HS3ST3A1: variants seen among roughly 807,000 people sequenced by gnomAD.
The protein encoded by HS3ST3A1 is heparan sulfate glucosamine 3-O-sulfotransferase 3A1.
Under a neutral mutation model 25.7 loss-of-function variants are expected in HS3ST3A1, and 19 were observed. The ratio of observed to expected loss-of-function variants is 0.74; its 90% CI spans 0.52 to 1.08. HS3ST3A1 has a LOEUF of 1.08. HS3ST3A1 is among the 50% of genes least tolerant of loss of function. The probability of loss-of-function intolerance (pLI) is 0.00; values close to 1 mark genes in which losing one functional copy is unlikely to be tolerated. For synonymous variants in HS3ST3A1, 226 were observed against 278.6 expected (o/e 0.81, Z 1.88); for missense variants, 459 against 594.3 (o/e 0.77, Z 2.37).
intron 1 of HS3ST3A1, among the ~76,000 whole-genome samples, chr17:13,536,268 T>C (rs537783449): frequency 6.6e-6 from 1 of 151,750 alleles, no homozygotes; most frequent in African/African-American, 2.4e-5. Context: ...TAAATGAGCT[T>C]ATGCTATTTT....
At position 13,600,708 on chromosome 17, in the gene HS3ST3A1, A is replaced by G. The variant is rs755227727; in HGVS notation, c.422T>C (p.Leu141Pro). The G allele has an allele frequency of 3.3e-5, 52 of 1,563,974 alleles. No individual in the cohort carries two copies. The Admixed American group carries it at 9.0e-4, about 27-fold the overall frequency. ...STVAEAPPGTLALLLDEGSKQ... is the reference protein window; with the variant it reads ...STVAEAPPGTPALLLDEGSKQ... ...GCTGCCTTCGTCCAGGAGCAGCGCC[A>G]GGGTCCCCGGCGGGGCCTCGGCCAC... The change falls in exon 1 of 2, where the codon CTG becomes CCG. Residue 141 changes from leucine (L) to proline (P), a missense_variant. Leu to Pro is a moderately conservative substitution (Grantham distance 98). Around this residue, in one of 3 missense-constraint regions of HS3ST3A1, gnomAD observed 346 missense variants for 303.9 expected, o/e 1.14. Transcript: ENST00000284110.
In HS3ST3A1 at chr17:13,575,788, T is replaced by A. The variant is rs144671604; in HGVS notation, c.599+24743A>T. On this transcript the variant is annotated intron_variant, in intron 1 of 1. Coordinates refer to ENST00000284110, the MANE Select transcript of HS3ST3A1 (RefSeq NM_006042.3). ...TTGTAAGTATTAACTGTCGTTCCCA[T>A]CAATGCTGGGAAGCAGAGGCTCCAG... 4.1e-3 allele frequency among the ~76,000 whole-genome samples: 623 copies of A among 152,290 alleles called. 6 individuals carry two copies. Among genetic ancestry groups the A allele is most frequent in the African/African-American group, 0.014 (596 of 41,550 alleles).
chr17:13,593,934 C>T (rs866435891), intron 1 of HS3ST3A1, among the ~76,000 whole-genome samples: 3 of 152,140 alleles, frequency 2.0e-5, no homozygotes. Context: ...ACCCAGGATC[C>T]GACCAAGGGC....
chr17:13,542,476 C>T (rs1906963564), intron 1 of HS3ST3A1, among the ~76,000 whole-genome samples: 1 of 151,974 alleles, frequency 6.6e-6, no homozygotes, highest in Non-Finnish European at 1.5e-5. Flanking sequence ...GAGAAGGTGG[C>T]CATGTGCAAG....
At chr17:13,568,681 G>A (rs2056672847) in intron 1 of HS3ST3A1, among the ~76,000 whole-genome samples, 1 of 152,164 alleles carries the variant, frequency 6.6e-6, no homozygotes, top group African/African-American at 2.4e-5. Flanking sequence ...CACACGGTAG[G>A]TTTCTTTCTT....
At chr17:13,508,808 C>T (rs1169760589) in intron 1 of HS3ST3A1, among the ~76,000 whole-genome samples, 6 of 152,156 alleles carry the variant, frequency 3.9e-5, no homozygotes, top group African/African-American at 1.2e-4. Flanking sequence ...CTAATTATGT[C>T]AGAATCTGTA....
chr17:13,547,591 T>C (rs941270994), intron 1 of HS3ST3A1, among the ~76,000 whole-genome samples: 1 of 152,184 alleles, frequency 6.6e-6, no homozygotes, highest in Non-Finnish European at 1.5e-5. Context: ...TCCATGCCCT[T>C]CCTCCACACC....
chr17:13,577,004 A>C (rs1311426816), intron 1 of HS3ST3A1, among the ~76,000 whole-genome samples: 1 of 152,240 alleles, frequency 6.6e-6, no homozygotes, highest in East Asian at 1.9e-4. Flanking sequence ...GGGAGGCCTC[A>C]CAATCATTGC....
intron 1 of HS3ST3A1, among the ~76,000 whole-genome samples, chr17:13,569,659 C>T (rs144171116): frequency 2.0e-5 from 3 of 152,084 alleles, no homozygotes; most frequent in East Asian, 1.9e-4. Flanking sequence ...ATTTTTCAGG[C>T]GTTCATTTTT....
chr17:13,574,896 T>G (rs1179104002), intron 1 of HS3ST3A1, among the ~76,000 whole-genome samples: 1 of 152,102 alleles, frequency 6.6e-6, no homozygotes, highest in Non-Finnish European at 1.5e-5. Flanking sequence ...TGCTTTTTCT[T>G]TCCCATCTCA....
At chr17:13,573,664 A>T (rs1907874602) in intron 1 of HS3ST3A1, among the ~76,000 whole-genome samples, 2 of 152,136 alleles carry the variant, frequency 1.3e-5, no homozygotes, top group South Asian at 4.1e-4. Flanking sequence ...TCAACATGTG[A>T]CTGAGCTCAA....
Position 13,594,372 on chromosome 17 carries a change from G to A in HS3ST3A1, c.599+6159C>T, listed in dbSNP as rs552004152. On this transcript the variant is annotated intron_variant, in intron 1 of 1. Coordinates refer to ENST00000284110, the MANE Select transcript of HS3ST3A1 (RefSeq NM_006042.3). Reference sequence around the variant, plus strand: ...CAGGCGCAGAAACGCCTGTCCTGTCGGAACTCTCAAAGCGCTTTCCTGTGA... The same window carrying A: ...CAGGCGCAGAAACGCCTGTCCTGTCAGAACTCTCAAAGCGCTTTCCTGTGA... Among the ~76,000 whole-genome samples, 6 of 152,168 alleles carry A rather than the reference G, an allele frequency of 3.9e-5. No homozygotes were observed. The East Asian group carries it at 7.7e-4, about 20-fold the overall frequency.
At chr17:13,585,819 A>T (rs1210053696) in intron 1 of HS3ST3A1, among the ~76,000 whole-genome samples, 2 of 72,476 alleles carry the variant, frequency 2.8e-5, no homozygotes, top group Admixed American at 2.0e-4. Flanking sequence ...TCCCCTTGAG[A>T]CCTGTTATTC....
intron 1 of HS3ST3A1, among the ~76,000 whole-genome samples, chr17:13,521,155 G>C (rs762500289): frequency 6.6e-6 from 1 of 152,120 alleles, no homozygotes; most frequent in African/African-American, 2.4e-5. Context: ...CTCTTGGCCG[G>C]GTTGGTCTAC....
chr17:13,571,732 A>G (rs1444891380), intron 1 of HS3ST3A1, among the ~76,000 whole-genome samples: 1 of 152,198 alleles, frequency 6.6e-6, no homozygotes, highest in Non-Finnish European at 1.5e-5. Context: ...TAGTGCTGCT[A>G]TATACTGAAA....
At chr17:13,580,604 C>T (rs958278060) in intron 1 of HS3ST3A1, among the ~76,000 whole-genome samples, 12 of 152,146 alleles carry the variant, frequency 7.9e-5, no homozygotes, top group African/African-American at 2.9e-4. Flanking sequence ...TCAGAACACA[C>T]ACAGTGGACC....
intron 1 of HS3ST3A1, among the ~76,000 whole-genome samples, chr17:13,544,787 G>T (rs1598421604): frequency 7.3e-6 from 1 of 137,306 alleles, no homozygotes; most frequent in Non-Finnish European, 1.6e-5. Context: ...AAAAAAAAAA[G>T]TGCAGCCACC....
intron 1 of HS3ST3A1, among the ~76,000 whole-genome samples, chr17:13,568,631 T>C (rs2142371336): frequency 6.6e-6 from 1 of 152,358 alleles, no homozygotes; most frequent in Admixed American, 6.5e-5. Context: ...TGTTATGATT[T>C]TGAGGTCAGT....
intron 1 of HS3ST3A1, among the ~76,000 whole-genome samples, chr17:13,497,547 T>C (rs1359022371): frequency 1.3e-5 from 2 of 152,202 alleles, no homozygotes; most frequent in African/African-American, 4.8e-5. Flanking sequence ...TCCTGACAAA[T>C]GAGATATCAC....
Sources: gnomAD v4.1 joint callset for allele counts (sites outside exome capture counted in the v4.1 genomes callset) on GRCh38, gnomAD v4.1.1 for gene constraint, gnomAD v4.1.1 regional missense constraint, MANE v1.5 for transcripts, NCBI Gene and HGNC (gene_info 2026-07-23, HGNC 2026-07-21) for gene names.